DTNA: variants seen among roughly 807,000 people sequenced by gnomAD.
DTNA encodes dystrophin-related protein 3.
Under a neutral mutation model 100.7 loss-of-function variants are expected in DTNA, and 43 were observed. The observed-to-expected ratio is 0.43, with a 90% CI of 0.33 to 0.55. DTNA has a LOEUF of 0.55. Among genes scored for constraint, DTNA ranks in the 20% least tolerant of loss-of-function variants. The pLI is 0.04. For missense variants in DTNA, 798 were observed against 953.9 expected (o/e 0.84, Z 2.15); for synonymous variants, 349 against 347.9 (o/e 1.00, Z -0.04).
intron 1 of DTNA, among the ~76,000 whole-genome samples, chr18:34,529,750 C>T (rs1277919204): frequency 6.6e-6 from 1 of 152,068 alleles, no homozygotes; most frequent in Non-Finnish European, 1.5e-5. Flanking sequence ...ATTACAGTGT[C>T]AAATTGCATG....
chr18:34,533,033 C>T (rs2145553165), intron 1 of DTNA, among the ~76,000 whole-genome samples: 1 of 151,938 alleles, frequency 6.6e-6, no homozygotes, highest in South Asian at 2.1e-4. Context: ...ATTTAGAAGA[C>T]TTTGGGAGAT....
At chr18:34,666,383 C>T (rs1390593599) in intron 1 of DTNA, among the ~76,000 whole-genome samples, 2 of 151,860 alleles carry the variant, frequency 1.3e-5, no homozygotes, top group African/African-American at 4.8e-5. Context: ...CCTGTTCACT[C>T]TGATGGTAGT....
chr18:34,666,518 T>A (rs1487389630), intron 1 of DTNA, among the ~76,000 whole-genome samples: 4 of 152,024 alleles, frequency 2.6e-5, no homozygotes, highest in Admixed American at 6.6e-5. Flanking sequence ...CTGAATGGTA[T>A]TGCCTAGGTT....
intron 9 of DTNA, among the ~76,000 whole-genome samples, chr18:34,826,543 T>C (rs920627023): frequency 6.6e-6 from 1 of 152,184 alleles, no homozygotes; most frequent in African/African-American, 2.4e-5. Context: ...AGGTAAAAAT[T>C]AAACCATTTA....
rs140760840 is a variant in DTNA, at chr18:34,825,063, A to AT, written c.1002-2520dup. Among the ~76,000 whole-genome samples, 3,166 of 149,532 alleles carry AT rather than the reference A, an allele frequency of 0.021. 106 individuals carry two copies. Among genetic ancestry groups the AT allele is most frequent in the African/African-American group, 0.073 (3,001 of 40,876 alleles). On this transcript the variant is annotated intron_variant, in intron 9 of 22. Coordinates refer to ENST00000444659, the MANE Select transcript of DTNA (RefSeq NM_001386795.1). ...AAGCATGTGACACACAGAAAATGCC[A>AT]TTTTTTTTTTAACTATAGCCAAGGG...
chr18:34,667,493 T>A (rs1385237270), intron 1 of DTNA, among the ~76,000 whole-genome samples: 1 of 152,214 alleles, frequency 6.6e-6, no homozygotes, highest in Non-Finnish European at 1.5e-5. Flanking sequence ...GGCATCCCTG[T>A]CTTGTGCCAG....
chr18:34,824,023 G>GA (rs1273090982), intron 9 of DTNA, among the ~76,000 whole-genome samples: 1 of 152,108 alleles, frequency 6.6e-6, no homozygotes, highest in African/African-American at 2.4e-5. Context: ...GACATATTCA[G>GA]AAAAAAATTC....
intron 1 of DTNA, among the ~76,000 whole-genome samples, chr18:34,515,963 C>A (rs1036852068): frequency 2.0e-5 from 3 of 152,134 alleles, no homozygotes; most frequent in Non-Finnish European, 4.4e-5. Context: ...ATGTCACACA[C>A]TAAATTAGTC....
chr18:34,799,178 T>A (rs2095109176), intron 4 of DTNA, among the ~76,000 whole-genome samples: 1 of 152,146 alleles, frequency 6.6e-6, no homozygotes, highest in African/African-American at 2.4e-5. Context: ...GAACTACAAG[T>A]CCATCACATA....
chr18:34,759,494 G>T (rs1285094362), intron 2 of DTNA, among the ~76,000 whole-genome samples: 1 of 152,120 alleles, frequency 6.6e-6, no homozygotes, highest in African/African-American at 2.4e-5. Context: ...ATTGGGCACA[G>T]GATGGGTAGG....
At chr18:34,587,418 G>A (rs192760978) in intron 1 of DTNA, among the ~76,000 whole-genome samples, 253 of 152,120 alleles carry the variant, frequency 1.7e-3, no homozygotes, top group Non-Finnish European at 3.3e-3. Flanking sequence ...ACTCCACATA[G>A]TGTGAAATGC....
intron 4 of DTNA, 97 bp downstream of exon 4, chr18:34,794,347 T>C (rs913572393): frequency 5.5e-6 from 7 of 1,281,620 alleles, no homozygotes; most frequent in Non-Finnish European, 7.7e-6. Flanking sequence ...ATCTCTCTCT[T>C]TTTTTTTTTA....
At chr18:34,820,007 C>T (rs945944303) in intron 8 of DTNA, among the ~76,000 whole-genome samples, 5 of 146,394 alleles carry the variant, frequency 3.4e-5, no homozygotes, top group East Asian at 2.1e-4. Context: ...TGGCAAAAAC[C>T]GCAATTGCTT....
chr18:34,860,907 T>G (rs2096616129), intron 16 of DTNA, among the ~76,000 whole-genome samples: 1 of 152,192 alleles, frequency 6.6e-6, no homozygotes, highest in Non-Finnish European at 1.5e-5. Flanking sequence ...GTTTAATGGA[T>G]AAGGAAACTG....
intron 5 of DTNA, among the ~76,000 whole-genome samples, chr18:34,810,668 AT>A (rs2095469379): frequency 6.6e-6 from 1 of 152,122 alleles, no homozygotes; most frequent in South Asian, 2.1e-4. Flanking sequence ...TTTATTGTAT[AT>A]TTTCAAAAAG....
intron 1 of DTNA, among the ~76,000 whole-genome samples, chr18:34,596,027 A>G (rs1032211621): frequency 2.0e-5 from 3 of 152,318 alleles, no homozygotes; most frequent in East Asian, 1.9e-4. Context: ...TGACTTTTCT[A>G]TGAAGCACAG....
intron 1 of DTNA, among the ~76,000 whole-genome samples, chr18:34,541,527 T>G (rs2044245753): frequency 6.6e-6 from 1 of 152,048 alleles, no homozygotes; most frequent in African/African-American, 2.4e-5. Flanking sequence ...CTCTCTTGCC[T>G]GCCACCATGT....
At chr18:34,590,176 G>A (rs1332422724) in intron 1 of DTNA, among the ~76,000 whole-genome samples, 1 of 152,134 alleles carries the variant, frequency 6.6e-6, no homozygotes, top group African/African-American at 2.4e-5. Flanking sequence ...ATAATAAATA[G>A]CATGCTGCTG....
intron 1 of DTNA, among the ~76,000 whole-genome samples, chr18:34,625,098 G>C (rs1050686191): frequency 1.3e-5 from 2 of 151,184 alleles, no homozygotes; most frequent in African/African-American, 4.9e-5. Flanking sequence ...GCAGTGGCAC[G>C]ATCTCGGCTC....
Sources: allele counts gnomAD v4.1 joint callset (sites outside exome capture counted in the v4.1 genomes callset), GRCh38; gene constraint gnomAD v4.1.1; transcripts MANE v1.5; gene names NCBI Gene and HGNC (gene_info 2026-07-23, HGNC 2026-07-21).